The following EWSR1 variants were observed in gnomAD, a reference collection of about 807,000 sequenced individuals.
EWSR1 encodes RNA-binding protein EWS.
A neutral mutation model predicts 92.1 loss-of-function variants in EWSR1; 14 were observed. The observed-to-expected ratio is 0.15, with a 90% CI of 0.10 to 0.24. The LOEUF (loss-of-function observed/expected upper bound fraction) is 0.24. Ranked by LOEUF, EWSR1 falls within the 10% of genes least tolerant of loss-of-function variation. The pLI, the probability that EWSR1 is intolerant of heterozygous loss-of-function variation, is 1.00. For missense variants in EWSR1, 637 were observed against 870.9 expected (o/e 0.73, Z 3.38); for synonymous variants, 303 against 292.9 (o/e 1.03, Z -0.35).
intron 15 of EWSR1, 83 bp from the exon 16 acceptor site, chr22:29,299,516 A>G: frequency 6.7e-7 from 1 of 1,502,828 alleles, no homozygotes; most frequent in Non-Finnish European, 8.9e-7. Flanking sequence ...CTGTGAGAGA[A>G]GGAAGCAGAG....
chr22:29,285,126 T>G (rs1569085397), intron 6 of EWSR1, among the ~76,000 whole-genome samples: 2 of 142,834 alleles, frequency 1.4e-5, no homozygotes. Context: ...GCCCTTGTTT[T>G]TTTTTTTTTT....
intron 9 of EWSR1, 26 bp downstream of exon 9, chr22:29,291,625 T>C (rs768330813): frequency 1.1e-5 from 17 of 1,594,500 alleles, no homozygotes; most frequent in Non-Finnish European, 1.5e-5. Context: ...TTACCATAGA[T>C]AGTGTTTAAA....
At chr22:29,284,127 C>T (rs2059835735) in intron 6 of EWSR1, among the ~76,000 whole-genome samples, 1 of 151,228 alleles carries the variant, frequency 6.6e-6, no homozygotes, top group Admixed American at 6.5e-5. Context: ...AGCCACTGCG[C>T]CTGGCCCAGT....
chr22:29,298,717 G>A lies in EWSR1; in HGVS notation c.1418-16G>A, dbSNP rs41297249. Reference sequence around the variant, plus strand: ...ACAGAGAAATGATTTGCTGTTTCTTGTTGTTCTTGTTGTAGGTCCAGGAGG... The same window carrying A: ...ACAGAGAAATGATTTGCTGTTTCTTATTGTTCTTGTTGTAGGTCCAGGAGG... On this transcript the variant is annotated splice_polypyrimidine_tract_variant and intron_variant, in intron 13 of 16. Coordinates refer to ENST00000397938, the MANE Select transcript of EWSR1 (RefSeq NM_005243.4). 8 of 1,611,670 alleles carry A rather than the reference G, an allele frequency of 5.0e-6. No individual in the cohort carries two copies. The Admixed American group carries it at 6.7e-5, about 13-fold the overall frequency.
intron 1 of EWSR1, chr22:29,269,704 A>G (rs1024763885): frequency 1.4e-4 from 21 of 148,274 alleles, no homozygotes; most frequent in African/African-American, 5.1e-4. Flanking sequence ...AAGAGTGGAT[A>G]CCAAAGAGTG....
chr22:29,268,292 C>A lies in EWSR1; in HGVS notation c.-45C>A, dbSNP rs111892587. ...CGCAGTGCGGCGCCTAGAGGGAAAGCGAGAGGGAGACGGACGTTGAGAGAA... is the reference window on the plus strand; with the variant it reads ...CGCAGTGCGGCGCCTAGAGGGAAAGAGAGAGGGAGACGGACGTTGAGAGAA... On this transcript the variant is annotated 5_prime_UTR_variant, in exon 1 of 17. Coordinates refer to ENST00000397938, the MANE Select transcript of EWSR1 (RefSeq NM_005243.4). The A allele has an allele frequency of 3.0e-4, 478 of 1,607,522 alleles. 5 individuals are homozygous for A. The South Asian group carries it at 4.7e-3, about 16-fold the overall frequency.
intron 1 of EWSR1, among the ~76,000 whole-genome samples, chr22:29,268,555 T>C (rs1042968658): frequency 3.9e-5 from 6 of 152,052 alleles, no homozygotes; most frequent in Non-Finnish European, 7.4e-5. Context: ...CCGGCGCCCG[T>C]GGCGCGCGGG....
chr22:29,299,522 C>T (rs1240974146), intron 15 of EWSR1, 77 bp from the exon 16 acceptor site: 1 of 1,510,918 alleles, frequency 6.6e-7, no homozygotes, highest in Non-Finnish European at 8.9e-7. Flanking sequence ...GAGAAGGAAG[C>T]AGAGCAGCTT....
At chr22:29,268,522 G>C (rs1305031090) in intron 1 of EWSR1, among the ~76,000 whole-genome samples, 173 bp downstream of exon 1, 1 of 151,976 alleles carries the variant, frequency 6.6e-6, no homozygotes, top group Non-Finnish European at 1.5e-5. Flanking sequence ...TCCCCCAACC[G>C]GGCGGGCCGG....
chr22:29,294,928 T>TA (rs1366394996), intron 11 of EWSR1, among the ~76,000 whole-genome samples: 1 of 149,270 alleles, frequency 6.7e-6, no homozygotes, highest in Non-Finnish European at 1.5e-5. Context: ...AAAAAGGAAA[T>TA]ACAGTTGATT....
At chr22:29,299,450 C>A in intron 15 of EWSR1, 119 bp downstream of exon 15, 1 of 1,494,542 alleles carries the variant, frequency 6.7e-7, no homozygotes, top group Non-Finnish European at 8.9e-7. Flanking sequence ...GTCGTGTCCT[C>A]ATTTCTAAAT....
chr22:29,291,990 C>A, intron 9 of EWSR1, 147 bp from the exon 10 acceptor site: 1 of 742,020 alleles, frequency 1.3e-6, no homozygotes, highest in Non-Finnish European at 2.4e-6. Context: ...TAAAGAGACA[C>A]TGCTCCATTT....
In EWSR1 at chr22:29,300,396, G is replaced by A. The variant is rs1013082536; in HGVS notation, c.*235G>A. On this transcript the variant is annotated 3_prime_UTR_variant, in exon 17 of 17. Coordinates refer to ENST00000397938, the MANE Select transcript of EWSR1 (RefSeq NM_005243.4). ...AATGGTTGTTTAAGACTTTAACAATGGGAACCCCTTGTGAGCATGCTCAGT... is the reference window on the plus strand; with the variant it reads ...AATGGTTGTTTAAGACTTTAACAATAGGAACCCCTTGTGAGCATGCTCAGT... 81 of 463,344 alleles carry A rather than the reference G, an allele frequency of 1.7e-4. 1 individual carries two copies. The highest frequency in any genetic ancestry group is 1.4e-3 in the African/African-American group (67 of 49,182). The allele number at this position is 463,344 out of a possible 1,614,324, so 28.7% of individuals were successfully genotyped here.
In EWSR1 at chr22:29,278,207, C is replaced by T. The variant is rs760949110; in HGVS notation, c.404C>T (p.Ala135Val). 1 of 1,613,872 alleles carries T rather than the reference C, an allele frequency of 6.2e-7. No homozygotes were observed. Among genetic ancestry groups the T allele is most frequent in the Non-Finnish European group, 8.5e-7 (1 of 1,179,852 alleles). Reference protein sequence around the residue: ...PAYGQQPAATAPTRPQDGNKP... With the variant: ...PAYGQQPAATVPTRPQDGNKP... Reference sequence around the variant, plus strand: ...TATGGGCAGCAGCCAGCAGCCACTGCACCTACAAGGTAAGGCCATGGTGTC... The same window carrying T: ...TATGGGCAGCAGCCAGCAGCCACTGTACCTACAAGGTAAGGCCATGGTGTC... The change falls in exon 5 of 17, where the codon GCA becomes GTA. Residue 135 changes from alanine (A) to valine (V), a missense_variant. Physicochemically the swap from Ala to Val is moderately conservative, Grantham distance 64. This residue lies in a region of EWSR1 where 144 missense variants were observed against 189.0 expected (regional missense o/e 0.76). Transcript: ENST00000397938.
At position 29,286,849 on chromosome 22, in the gene EWSR1, T is replaced by C. The variant is rs1427256858; in HGVS notation, c.582-74T>C. 36 of 1,173,820 alleles carry C rather than the reference T, an allele frequency of 3.1e-5. No homozygotes were observed. The East Asian group carries it at 8.0e-4, about 26-fold the overall frequency. 72.7% of individuals were successfully genotyped at this position (1,173,820 alleles called of 1,614,324 possible). A position where few individuals can be genotyped will look rare whatever the true frequency, so the allele number is the denominator to read the frequency against. ...TGTGTCACATGGTGTGAATGTCTCT[T>C]TTATTCAGGGGATTTGAAATAACAA... On this transcript the variant is annotated intron_variant, in intron 6 of 16. Coordinates refer to ENST00000397938, the MANE Select transcript of EWSR1 (RefSeq NM_005243.4).
At chr22:29,275,341 G>C (rs1309024010) in intron 4 of EWSR1, among the ~76,000 whole-genome samples, 2 of 152,166 alleles carry the variant, frequency 1.3e-5, no homozygotes, top group Non-Finnish European at 2.9e-5. Flanking sequence ...GCAAATTAAT[G>C]GTTCTCTAGA....
chr22:29,274,465 G>T, intron 4 of EWSR1: 4 of 573,436 alleles, frequency 7.0e-6, no homozygotes, highest in South Asian at 5.4e-5. Context: ...TTCTTTATAT[G>T]ATTTTGGGAA....
intron 5 of EWSR1, among the ~76,000 whole-genome samples, chr22:29,280,045 A>G (rs2059438836): frequency 6.6e-6 from 1 of 152,136 alleles, no homozygotes; most frequent in Non-Finnish European, 1.5e-5. Context: ...AGGAAAAGTT[A>G]GTACTTCACA....
Position 29,297,870 on chromosome 22 carries a change from G to A in EWSR1, c.1338G>A (p.Arg446=). The change falls in exon 13 of 17, where the codon CGG becomes CGA. Residue 446 remains arginine, a synonymous_variant. Transcript: ENST00000397938. ...GCAAACTTAAAGTCTCCCTTGCTCG[G>A]AAGAAGCCTCCAATGAACAGTATGC... is the stretch of plus-strand genomic sequence containing the variant. ...QGSKLKVSLA[R]KKPPMNSMRG... The A allele has an allele frequency of 1.9e-6, 3 of 1,614,062 alleles. No individual in the cohort carries two copies. The highest frequency in any genetic ancestry group is 2.5e-6 in the Non-Finnish European group (3 of 1,180,022).
Sources: allele counts gnomAD v4.1 joint callset (sites outside exome capture counted in the v4.1 genomes callset), GRCh38; gene constraint gnomAD v4.1.1; regional missense constraint gnomAD v4.1.1; transcripts MANE v1.5; gene names NCBI Gene and HGNC (gene_info 2026-07-23, HGNC 2026-07-21).